Variants in FCGRT observed in about 807,000 individuals in gnomAD.
FCGRT encodes IgG receptor FcRn large subunit p51.
In FCGRT, 13 loss-of-function variants were observed where a neutral mutation model predicts 35.7. That is an observed-to-expected ratio of 0.36 (90% CI 0.24 to 0.58). The LOEUF (loss-of-function observed/expected upper bound fraction) is 0.58. Ranked by LOEUF, FCGRT falls within the 20% of genes least tolerant of loss-of-function variation. FCGRT has a pLI of 0.77. For synonymous variants in FCGRT, 233 were observed against 216.5 expected (o/e 1.08, Z -0.67); for missense variants, 455 against 474.9 (o/e 0.96, Z 0.39).
At chr19:49,513,006 TAGAG>T in intron 1 of FCGRT, 1 of 68,264 alleles carries the variant, frequency 1.5e-5, no homozygotes, top group African/African-American at 9.9e-5. Flanking sequence ...GGTCCGAGGG[TAGAG>T]CGGTTGGGGG....
intron 4 of FCGRT, among the ~76,000 whole-genome samples, chr19:49,515,656 G>A (rs1311894726): frequency 1.3e-5 from 2 of 152,120 alleles, no homozygotes; most frequent in Non-Finnish European, 2.9e-5. Flanking sequence ...CAAACTCCTG[G>A]CCTCAAGTGA....
chr19:49,522,589 G>T (rs553669151), intron 4 of FCGRT, among the ~76,000 whole-genome samples: 1 of 151,110 alleles, frequency 6.6e-6, no homozygotes, highest in Non-Finnish European at 1.5e-5. Context: ...ACGCCACCAT[G>T]CCTGGCTAAT....
chr19:49,525,118 C>A (rs2080066442), intron 5 of FCGRT: 2 of 534,506 alleles, frequency 3.7e-6, no homozygotes, highest in African/African-American at 1.9e-5. Context: ...CTATGCCCGT[C>A]CTCACCAAGA....
At chr19:49,517,779 G>C (rs1017631294) in intron 4 of FCGRT, among the ~76,000 whole-genome samples, 8 of 152,030 alleles carry the variant, frequency 5.3e-5, no homozygotes, top group African/African-American at 1.9e-4. Context: ...TGCAAGCTTC[G>C]CCTCCCAGGT....
At chr19:49,516,906 C>T (rs6509434) in intron 4 of FCGRT, among the ~76,000 whole-genome samples, 1,926 of 151,702 alleles carry the variant, frequency 0.013, 39 homozygotes, top group African/African-American at 0.044. Context: ...TAGTATAAAA[C>T]GGACCAGACA....
At chr19:49,514,552 C>A in intron 4 of FCGRT, 66 bp downstream of exon 4, 2 of 1,435,500 alleles carry the variant, frequency 1.4e-6, no homozygotes, top group Non-Finnish European at 1.9e-6. Flanking sequence ...TGCCTCAGTT[C>A]CCCTGCCAGG....
chr19:49,518,360 C>CT (rs56352202), intron 4 of FCGRT, among the ~76,000 whole-genome samples: 1,889 of 132,962 alleles, frequency 0.014, 33 homozygotes, highest in African/African-American at 0.043. Flanking sequence ...TTCTTTCTTT[C>CT]TTTTTTTTTT....
chr19:49,513,255 G>A (rs911883407), intron 1 of FCGRT, 132 bp from the exon 2 acceptor site: 3 of 401,956 alleles, frequency 7.5e-6, no homozygotes, highest in African/African-American at 4.1e-5. Flanking sequence ...TACGAGGAGG[G>A]CATTGTTGTC....
rs568252649 is a variant in FCGRT, at chr19:49,518,238, G to GT, written c.601+3757dup. On this transcript the variant is annotated intron_variant, in intron 4 of 6. Coordinates refer to ENST00000221466, the MANE Select transcript of FCGRT (RefSeq NM_001136019.3). ...ACTCTTTAATGGCATCAGATGTCCA[G>GT]TTTTTGTTCCCATATTCCTGACTGT... Among the ~76,000 whole-genome samples the GT allele has an allele frequency of 3.9e-4, 59 of 152,000 alleles. No individual in the cohort carries two copies. The East Asian group carries it at 0.01, about 27-fold the overall frequency.
At chr19:49,517,490 CAAAG>C (rs2080014636) in intron 4 of FCGRT, among the ~76,000 whole-genome samples, 1 of 150,752 alleles carries the variant, frequency 6.6e-6, no homozygotes, top group African/African-American at 2.4e-5. Context: ...GACTCTGTCT[CAAAG>C]AAAGAAGGAA....
chr19:49,517,552 G>A (rs1305594249), intron 4 of FCGRT, among the ~76,000 whole-genome samples: 1 of 151,660 alleles, frequency 6.6e-6, no homozygotes, highest in East Asian at 1.9e-4. Flanking sequence ...AAGGAAGGAA[G>A]GAAGGAAGGA....
rs1457812213 is a variant in FCGRT, at chr19:49,513,428, G to C, written c.28G>C (p.Ala10Pro). The change falls in exon 2 of 7, where the codon GCG becomes CCG. Residue 10 changes from alanine (A) to proline (P), a missense_variant. This residue lies in a region of FCGRT where 136 missense variants were observed against 158.9 expected (regional missense o/e 0.86). Transcript: ENST00000221466. MGVPRPQPW[A>P]LGLLLFLLPG... Reference sequence around the variant, plus strand: ...GGGGGTCCCGCGGCCTCAGCCCTGGGCGCTGGGGCTCCTGCTCTTTCTCCT... The same window carrying C: ...GGGGGTCCCGCGGCCTCAGCCCTGGCCGCTGGGGCTCCTGCTCTTTCTCCT... 1 of 1,245,634 alleles carries C rather than the reference G, an allele frequency of 8.0e-7. No individual in the cohort carries two copies. The highest frequency in any genetic ancestry group is 3.2e-5 in the East Asian group (1 of 31,614). The allele number at this position is 1,245,634 out of a possible 1,614,324, so 77.2% of individuals were successfully genotyped here.
chr19:49,513,095 CCTGGACT>C (rs1257535623), intron 1 of FCGRT: 1 of 201,702 alleles, frequency 5.0e-6, no homozygotes, highest in African/African-American at 2.7e-5. Flanking sequence ...CGGTTGGGGG[CCTGGACT>C]CCGGGGTCTG....
At chr19:49,525,362 C>T (rs550928029) in intron 5 of FCGRT, 95 bp from the exon 6 acceptor site, 19 of 924,458 alleles carry the variant, frequency 2.1e-5, no homozygotes, top group Middle Eastern at 2.4e-4. Flanking sequence ...CTGGAATCTC[C>T]GAGGCTGGGA....
rs2079990895 is a variant in FCGRT at position 49,514,035 on chromosome 19, G to C, written c.227G>C (p.Trp76Ser). Residue 76 changes from tryptophan to serine, a missense_variant, in exon 3 of 7, where the codon TGG becomes TCG. Physicochemically the swap from Trp to Ser is radical, Grantham distance 177 (BLOSUM62 -3). Around this residue, in one of 3 missense-constraint regions of FCGRT, gnomAD observed 136 missense variants for 158.9 expected, o/e 0.86. Coordinates refer to ENST00000221466, the MANE Select transcript of FCGRT (RefSeq NM_001136019.3). Reference protein sequence around the residue: ...GEAEPCGAWVWENQVSWYWEK... With the variant: ...GEAEPCGAWVSENQVSWYWEK... ...GCGGAGCCCTGTGGAGCTTGGGTCT[G>C]GGAAAACCAGGTGTCCTGGTATTGG... 1.2e-6 allele frequency: 2 copies of C among 1,611,978 alleles called. No homozygotes were observed. Among genetic ancestry groups the C allele is most frequent in the Non-Finnish European group, 1.7e-6 (2 of 1,180,026 alleles).
rs1601185674 is a variant in FCGRT at position 49,513,393 on chromosome 19, C to T, written c.-8C>T. On this transcript the variant is annotated 5_prime_UTR_variant, in exon 2 of 7. Transcript: ENST00000221466. ...GTGCCCCCTCCCGCCCCAGGTCGTCCTCTCAGCATGGGGGTCCCGCGGCCT... is the reference window on the plus strand; with the variant it reads ...GTGCCCCCTCCCGCCCCAGGTCGTCTTCTCAGCATGGGGGTCCCGCGGCCT... 1.6e-6 allele frequency: 2 copies of T among 1,242,668 alleles called. No individual in the cohort carries two copies. The highest frequency in any genetic ancestry group is 1.0e-6 in the Non-Finnish European group (1 of 985,676). 77.0% of individuals were successfully genotyped at this position (1,242,668 alleles called of 1,614,324 possible). A position where few individuals can be genotyped will look rare whatever the true frequency, so the allele number is the denominator to read the frequency against.
At chr19:49,522,495 A>G (rs539312419) in intron 4 of FCGRT, among the ~76,000 whole-genome samples, 61 of 151,852 alleles carry the variant, frequency 4.0e-4, no homozygotes, top group Non-Finnish European at 7.8e-4. Context: ...GCAATGGTGC[A>G]ATCTTGGCTC....
chr19:49,525,284 G>T (rs73582442), intron 5 of FCGRT, 173 bp from the exon 6 acceptor site: 44 of 645,094 alleles, frequency 6.8e-5, no homozygotes, highest in Non-Finnish European at 1.1e-4. Context: ...TGGTTCTTAC[G>T]TCCAACCTGG....
chr19:49,519,489 C>T (rs752970882), intron 4 of FCGRT, among the ~76,000 whole-genome samples: 4 of 151,072 alleles, frequency 2.6e-5, no homozygotes, highest in Non-Finnish European at 5.9e-5. Flanking sequence ...GTTTTTTTTC[C>T]CCCTGTAATT....
Sources: allele counts gnomAD v4.1 joint callset (sites outside exome capture counted in the v4.1 genomes callset), GRCh38; gene constraint gnomAD v4.1.1; regional missense constraint gnomAD v4.1.1; transcripts MANE v1.5; gene names NCBI Gene and HGNC (gene_info 2026-07-23, HGNC 2026-07-21).